Variants in EEF1AKMT1 observed in about 807,000 individuals in gnomAD.
EEF1AKMT1 encodes EEF1A lysine methyltransferase 1.
A neutral mutation model predicts 21.0 loss-of-function variants in EEF1AKMT1; 18 were observed. The observed-to-expected ratio is 0.86, with a 90% CI of 0.59 to 1.27. EEF1AKMT1 has a LOEUF of 1.27. EEF1AKMT1 is among the 50% of genes most tolerant of loss of function. The pLI, the probability that EEF1AKMT1 is intolerant of heterozygous loss-of-function variation, is 0.00. For missense variants in EEF1AKMT1, 246 were observed against 258.6 expected (o/e 0.95, Z 0.33); for synonymous variants, 109 against 94.8 (o/e 1.15, Z -0.87).
intron 2 of EEF1AKMT1, among the ~76,000 whole-genome samples, chr13:20,742,425 T>C (rs2058876910): frequency 6.6e-6 from 1 of 152,158 alleles, no homozygotes. Flanking sequence ...TGTTCCCTAC[T>C]TAACAGAAAC....
chr13:20,749,313 C>T (rs1049298429), intron 2 of EEF1AKMT1, among the ~76,000 whole-genome samples: 10 of 152,174 alleles, frequency 6.6e-5, no homozygotes, highest in African/African-American at 2.2e-4. Flanking sequence ...ACACCATCCT[C>T]CTACTACAAT....
intron 2 of EEF1AKMT1, among the ~76,000 whole-genome samples, chr13:20,740,884 T>A (rs1371842478): frequency 2.0e-5 from 3 of 152,182 alleles, no homozygotes; most frequent in African/African-American, 7.2e-5. Flanking sequence ...AACTGAGATC[T>A]GCTTAAATAA....
intron 2 of EEF1AKMT1, among the ~76,000 whole-genome samples, chr13:20,742,222 CAGT>C (rs1183335393): frequency 6.6e-6 from 1 of 152,104 alleles, no homozygotes; most frequent in African/African-American, 2.4e-5. Flanking sequence ...CCCTGTTGTA[CAGT>C]TGAGTATCTT....
intron 3 of EEF1AKMT1, among the ~76,000 whole-genome samples, chr13:20,733,157 A>T (rs1311104408): frequency 2.1e-5 from 3 of 143,164 alleles, no homozygotes; most frequent in African/African-American, 7.9e-5. Context: ...GTGCAGTGGC[A>T]TGACTTCGGC....
chr13:20,730,152 AT>A (rs930558457), intron 4 of EEF1AKMT1, among the ~76,000 whole-genome samples: 21 of 152,158 alleles, frequency 1.4e-4, no homozygotes, highest in African/African-American at 4.6e-4. Flanking sequence ...TTTTATTATT[AT>A]TTTTTAAAAG....
intron 1 of EEF1AKMT1, among the ~76,000 whole-genome samples, chr13:20,763,179 T>A (rs999771384): frequency 6.6e-6 from 1 of 152,184 alleles, no homozygotes; most frequent in African/African-American, 2.4e-5. Context: ...AAATGTCTCC[T>A]CTTCTATTTT....
At chr13:20,742,871 A>G (rs1292163205) in intron 2 of EEF1AKMT1, among the ~76,000 whole-genome samples, 1 of 152,002 alleles carries the variant, frequency 6.6e-6, no homozygotes, top group Non-Finnish European at 1.5e-5. Context: ...CTGGATATTA[A>G]TCCTTTGCTC....
intron 4 of EEF1AKMT1, among the ~76,000 whole-genome samples, chr13:20,730,872 G>A (rs1338529662): frequency 6.6e-6 from 1 of 152,176 alleles, no homozygotes; most frequent in Non-Finnish European, 1.5e-5. Flanking sequence ...TGGTGTGGAA[G>A]GTTTGTTTTT....
rs1312133387 is a variant in EEF1AKMT1, at chr13:20,757,352, G to GACC, written c.144+102_144+103insGGT. 5.9e-6 allele frequency: 8 copies of GACC among 1,354,796 alleles called. No homozygotes were observed. The East Asian group carries it at 1.9e-4, about 31-fold the overall frequency. 83.9% of individuals were successfully genotyped at this position (1,354,796 alleles called of 1,614,324 possible). On this transcript the variant is annotated intron_variant, in intron 2 of 4. Coordinates refer to ENST00000382758, the MANE Select transcript of EEF1AKMT1 (RefSeq NM_001318939.2). Reference sequence around the variant, plus strand: ...GAAGTTCAGATCCCAAATGACAGGTGACAGAGATTCCGGTTTTAGGTGAGA... The same window carrying GACC: ...GAAGTTCAGATCCCAAATGACAGGTGACCACAGAGATTCCGGTTTTAGGTGAGA...
intron 2 of EEF1AKMT1, among the ~76,000 whole-genome samples, chr13:20,739,874 T>C (rs2058859528): frequency 6.6e-6 from 1 of 152,252 alleles, no homozygotes; most frequent in African/African-American, 2.4e-5. Flanking sequence ...CTTCACCTAG[T>C]GGATCCAGCA....
At chr13:20,735,375 G>T (rs1170825412) in intron 3 of EEF1AKMT1, among the ~76,000 whole-genome samples, 1 of 152,140 alleles carries the variant, frequency 6.6e-6, no homozygotes, top group Non-Finnish European at 1.5e-5. Flanking sequence ...TGTCTGGATG[G>T]GGGGGATGCT....
intron 2 of EEF1AKMT1, among the ~76,000 whole-genome samples, chr13:20,748,421 C>T (rs1419346529): frequency 6.7e-6 from 1 of 148,710 alleles, no homozygotes; most frequent in African/African-American, 2.5e-5. Context: ...GGCGACAGAG[C>T]TAGACTCCGT....
chr13:20,740,869 A>G (rs949696782), intron 2 of EEF1AKMT1, among the ~76,000 whole-genome samples: 8 of 151,662 alleles, frequency 5.3e-5, no homozygotes, highest in Non-Finnish European at 1.0e-4. Context: ...ATTATATCTC[A>G]ACAAAACTGA....
chr13:20,763,974 C>T (rs2059013947), intron 1 of EEF1AKMT1, among the ~76,000 whole-genome samples: 1 of 152,062 alleles, frequency 6.6e-6, no homozygotes, highest in South Asian at 2.1e-4. Flanking sequence ...TCCCCCATTT[C>T]ATTCCTAATG....
chr13:20,767,926 C>T (rs1229561126), intron 1 of EEF1AKMT1, among the ~76,000 whole-genome samples: 2 of 152,226 alleles, frequency 1.3e-5, no homozygotes, highest in East Asian at 1.9e-4. Context: ...TAATCCCATA[C>T]AGTGTAATTT....
At chr13:20,732,171 C>A (rs375576839) in intron 3 of EEF1AKMT1, 50 bp from the exon 4 acceptor site, 1 of 1,545,056 alleles carries the variant, frequency 6.5e-7, no homozygotes, top group Non-Finnish European at 8.7e-7. Context: ...AGAGAGATTA[C>A]GGTGTTAACA....
chr13:20,757,355 A>C (rs1299677375), intron 2 of EEF1AKMT1, 100 bp downstream of exon 2: 130 of 1,365,718 alleles, frequency 9.5e-5, no homozygotes, highest in Middle Eastern at 2.5e-4. Flanking sequence ...GACAGGTGAC[A>C]GAGATTCCGG....
chr13:20,738,541 G>T (rs1450779979), intron 2 of EEF1AKMT1, among the ~76,000 whole-genome samples: 1 of 152,162 alleles, frequency 6.6e-6, no homozygotes, highest in Non-Finnish European at 1.5e-5. Context: ...ATGCCAACTG[G>T]GGGGTTCTCT....
intron 1 of EEF1AKMT1, among the ~76,000 whole-genome samples, chr13:20,767,839 T>G (rs900710500): frequency 1.3e-5 from 2 of 152,240 alleles, no homozygotes; most frequent in African/African-American, 2.4e-5. Context: ...CTTCTTTCTC[T>G]TTGTATTTCA....
Sources: allele counts gnomAD v4.1 joint callset (sites outside exome capture counted in the v4.1 genomes callset), GRCh38; gene constraint gnomAD v4.1.1; transcripts MANE v1.5; gene names NCBI Gene and HGNC (gene_info 2026-07-23, HGNC 2026-07-21).